The following MARCHF10 variants were observed in gnomAD, a reference collection of about 807,000 sequenced individuals.
MARCHF10 encodes probable E3 ubiquitin-protein ligase MARCHF10.
Under a neutral mutation model 76.2 loss-of-function variants are expected in MARCHF10, and 64 were observed. That is an observed-to-expected ratio of 0.84 (90% CI 0.69 to 1.03). MARCHF10 has a LOEUF of 1.03. Ranked by LOEUF, MARCHF10 falls within the 50% of genes least tolerant of loss-of-function variation. MARCHF10 has a pLI of 0.00. For synonymous variants in MARCHF10, 340 were observed against 357.5 expected, an observed-to-expected ratio of 0.95 and a Z score of 0.55; for missense variants, 875 against 958.0, an observed-to-expected ratio of 0.91 and a Z score of 1.14.
In MARCHF10 at chr17:62,736,892, G is replaced by T. The variant is rs190311456; in HGVS notation, c.976C>A (p.Gln326Lys). The change falls in exon 6 of 11, where the codon CAG (glutamine) becomes AAG (lysine). Residue 326 changes from glutamine to lysine, a missense_variant. Transcript: ENST00000311269. ...TCTTCAAAATTTTTATTTTTGGCCTGAGGGGTCGATGTCCCCCCAAATCTA... is the reference window on the plus strand; with the variant it reads ...TCTTCAAAATTTTTATTTTTGGCCTTAGGGGTCGATGTCCCCCCAAATCTA... ...RSRFGGTSTP[Q>K]AKNKNFEENA... The T allele has an allele frequency of 9.3e-6, 15 of 1,613,978 alleles. No homozygotes were observed. In the African/African-American group the frequency reaches 1.9e-4, roughly 20 times the overall value.
At chr17:62,789,282 A>AC (rs2092802393) in intron 2 of MARCHF10, among the ~76,000 whole-genome samples, 1 of 151,882 alleles carries the variant, frequency 6.6e-6, no homozygotes, top group Non-Finnish European at 1.5e-5. Flanking sequence ...CTATACTGTG[A>AC]CCCTGGAGAT....
chr17:62,765,834 T>C (rs1349683446), intron 3 of MARCHF10, among the ~76,000 whole-genome samples: 1 of 152,116 alleles, frequency 6.6e-6, no homozygotes, highest in Non-Finnish European at 1.5e-5. Context: ...TATCTGGCTG[T>C]AGCAGGAGCA....
intron 5 of MARCHF10, 192 bp from the exon 6 acceptor site, chr17:62,737,524 C>T: frequency 1.7e-6 from 1 of 592,356 alleles, no homozygotes. Context: ...CCCGTATTCT[C>T]CTTTGTACCC....
At chr17:62,801,315 G>A (rs1336055360) in intron 2 of MARCHF10, among the ~76,000 whole-genome samples, 1 of 151,994 alleles carries the variant, frequency 6.6e-6, no homozygotes, top group African/African-American at 2.4e-5. Context: ...CACCACGCCT[G>A]GCTAATTTTT....
Position 62,781,683 on chromosome 17 carries a change from G to T in MARCHF10, c.210+6797C>A, listed in dbSNP as rs894108342. ...CCAGCAGGTTAACTGTGTGTTTGGG[G>T]ATCTGCCCACCTCAAGGCAGTTGTC... On this transcript the variant is annotated intron_variant, in intron 3 of 10. Coordinates refer to ENST00000311269, the MANE Select transcript of MARCHF10 (RefSeq NM_152598.4). 2.6e-5 allele frequency among the ~76,000 whole-genome samples: 4 copies of T among 152,276 alleles called. No individual in the cohort carries two copies. In the South Asian group the frequency reaches 6.2e-4, roughly 24 times the overall value.
chr17:62,729,442 AAG>A (rs1229318473), intron 6 of MARCHF10, among the ~76,000 whole-genome samples: 14 of 148,574 alleles, frequency 9.4e-5, no homozygotes, highest in African/African-American at 2.2e-4. Context: ...GAGGGTAACA[AAG>A]AGAGATTATA....
intron 2 of MARCHF10, among the ~76,000 whole-genome samples, chr17:62,799,206 A>T (rs894885625): frequency 3.9e-5 from 6 of 152,240 alleles, no homozygotes; most frequent in Admixed American, 2.0e-4. Context: ...TCTATCAGCA[A>T]GATGTCTGTT....
At chr17:62,720,399 A>G (rs1466384561) in intron 8 of MARCHF10, among the ~76,000 whole-genome samples, 1 of 152,180 alleles carries the variant, frequency 6.6e-6, no homozygotes, top group Admixed American at 6.5e-5. Context: ...GAACTTCACA[A>G]GTGCTTCTCA....
chr17:62,704,533 T>G (rs2089456676), intron 10 of MARCHF10, among the ~76,000 whole-genome samples: 1 of 152,246 alleles, frequency 6.6e-6, no homozygotes, highest in Admixed American at 6.5e-5. Context: ...TCTAGGGTCG[T>G]AATCTGGGCC....
chr17:62,701,488 G>T lies in MARCHF10; in HGVS notation c.*215C>A. 8.9e-7 allele frequency: 1 copy of T among 1,127,864 alleles called. No homozygotes were observed. Among genetic ancestry groups the T allele is most frequent in the Non-Finnish European group, 1.2e-6 (1 of 819,586 alleles). 69.9% of individuals were successfully genotyped at this position (1,127,864 alleles called of 1,614,324 possible). ...GCCAGGGGCTCCACAGTCCCACGCTGCTTGACCTGTGCTGTCTGGGACTAG... is the reference window on the plus strand; with the variant it reads ...GCCAGGGGCTCCACAGTCCCACGCTTCTTGACCTGTGCTGTCTGGGACTAG... On this transcript the variant is annotated 3_prime_UTR_variant, in exon 11 of 11. Coordinates refer to ENST00000311269, the MANE Select transcript of MARCHF10 (RefSeq NM_152598.4).
At chr17:62,747,819 A>G (rs1450654054) in intron 4 of MARCHF10, among the ~76,000 whole-genome samples, 1 of 152,222 alleles carries the variant, frequency 6.6e-6, no homozygotes, top group Non-Finnish European at 1.5e-5. Context: ...CTTTTATAAA[A>G]TCCAAAAGGC....
intron 9 of MARCHF10, among the ~76,000 whole-genome samples, chr17:62,710,407 T>C (rs1439473162): frequency 6.6e-6 from 1 of 151,912 alleles, no homozygotes; most frequent in Admixed American, 6.6e-5. Context: ...CAGGCCTGGG[T>C]CAAAAGGAGG....
chr17:62,754,855 C>G (rs1289631770), intron 4 of MARCHF10, among the ~76,000 whole-genome samples: 2 of 152,116 alleles, frequency 1.3e-5, no homozygotes, highest in African/African-American at 2.4e-5. Flanking sequence ...ATTAATCTGG[C>G]CTTTCAGAGA....
In MARCHF10 at chr17:62,737,112, C is replaced by A; in HGVS notation, c.756G>T (p.Ser252=). The A allele has an allele frequency of 6.2e-7, 1 of 1,614,062 alleles. No individual in the cohort carries two copies. The highest frequency in any genetic ancestry group is 1.1e-5 in the South Asian group (1 of 91,064). The change falls in exon 6 of 11, where the codon TCG becomes TCT. Residue 252 remains serine, a synonymous_variant. Coordinates refer to ENST00000311269, the MANE Select transcript of MARCHF10 (RefSeq NM_152598.4). ...KNSPQVLSEF[S]GPPLTPTTVG... is the part of the protein sequence containing the mutation. ...CAGTGGTGGGTGTGAGTGGTGGCCC[C>A]GAGAACTCACTCAATACTTGAGGAC...
At chr17:62,748,040 C>G in intron 4 of MARCHF10, among the ~76,000 whole-genome samples, 1 of 152,158 alleles carries the variant, frequency 6.6e-6, no homozygotes, top group Middle Eastern at 3.2e-3. Flanking sequence ...TTTCTCTTCT[C>G]TGTCTGTAAG....
intron 9 of MARCHF10, among the ~76,000 whole-genome samples, chr17:62,710,875 C>T (rs1030435722): frequency 5.3e-5 from 8 of 152,156 alleles, no homozygotes; most frequent in Non-Finnish European, 1.2e-4. Context: ...TCCTCTTTTT[C>T]GCAGGTCCTC....
chr17:62,766,902 T>G (rs1215467505), intron 3 of MARCHF10, among the ~76,000 whole-genome samples: 1 of 152,156 alleles, frequency 6.6e-6, no homozygotes, highest in African/African-American at 2.4e-5. Context: ...AAGGGATACG[T>G]TCTGTTGCAC....
intron 6 of MARCHF10, chr17:62,735,602 A>ATCTTGGT: frequency 3.8e-6 from 1 of 260,944 alleles, no homozygotes; most frequent in Non-Finnish European, 7.0e-6. Flanking sequence ...TTCCTAAAAA[A>ATCTTGGT]TCTTGGTTCT....
chr17:62,803,326 T>TC (rs1238310880), intron 1 of MARCHF10, among the ~76,000 whole-genome samples: 1 of 151,954 alleles, frequency 6.6e-6, no homozygotes, highest in Non-Finnish European at 1.5e-5. Context: ...AAAAGATCCC[T>TC]CCAGTTGCAG....
Sources: gnomAD v4.1 joint callset for allele counts (sites outside exome capture counted in the v4.1 genomes callset) on GRCh38, gnomAD v4.1.1 for gene constraint, MANE v1.5 for transcripts, NCBI Gene and HGNC (gene_info 2026-07-23, HGNC 2026-07-21) for gene names.